MAP3K13: variants seen among roughly 807,000 people sequenced by gnomAD.
The protein encoded by MAP3K13 is leucine zipper-bearing kinase.
MAP3K13 carries 52 observed loss-of-function variants against 104.0 expected under a neutral mutation model. The ratio of observed to expected loss-of-function variants is 0.50; its 90% confidence interval spans 0.40 to 0.63. The LOEUF (loss-of-function observed/expected upper bound fraction) is 0.63, where lower values mean the gene tolerates loss of function less well. Among genes scored for constraint, MAP3K13 ranks in the 20% least tolerant of loss-of-function variants. The probability of loss-of-function intolerance (pLI) is 0.00; values close to 1 mark genes in which losing one functional copy is unlikely to be tolerated. For missense variants in MAP3K13, 914 were observed against 1,218.5 expected (o/e 0.75, Z 3.72); for synonymous variants, 394 against 442.2 (o/e 0.89, Z 1.37).
At chr3:185,371,763 G>C (rs1465979167) in intron 1 of MAP3K13, among the ~76,000 whole-genome samples, 1 of 152,144 alleles carries the variant, frequency 6.6e-6, no homozygotes, top group East Asian at 1.9e-4. Flanking sequence ...AGAAGGGAGT[G>C]GATCTGGGAC....
At chr3:185,383,619 C>A (rs1421258224) in intron 1 of MAP3K13, among the ~76,000 whole-genome samples, 2 of 151,634 alleles carry the variant, frequency 1.3e-5, no homozygotes, top group Admixed American at 6.6e-5. Flanking sequence ...CCTTTCTTGC[C>A]ATGTAATTTC....
chr3:185,332,839 C>T (rs1722334066), intron 2 of MAP3K13, among the ~76,000 whole-genome samples: 1 of 152,186 alleles, frequency 6.6e-6, no homozygotes, highest in Non-Finnish European at 1.5e-5. Flanking sequence ...GCGAATAAGG[C>T]CTCTGTGAAC....
intron 2 of MAP3K13, among the ~76,000 whole-genome samples, chr3:185,436,773 C>CG: frequency 6.6e-6 from 1 of 151,812 alleles, no homozygotes; most frequent in South Asian, 2.1e-4. Context: ...GAGGCCAAGG[C>CG]GGGTGGATCA....
At chr3:185,396,411 C>T (rs1431653518) in intron 1 of MAP3K13, among the ~76,000 whole-genome samples, 4 of 151,986 alleles carry the variant, frequency 2.6e-5, no homozygotes, top group Admixed American at 2.6e-4. Context: ...TACATCCTTC[C>T]AGACCTCTTG....
chr3:185,296,185 G>A (rs1470192275), intron 2 of MAP3K13, among the ~76,000 whole-genome samples: 2 of 152,118 alleles, frequency 1.3e-5, no homozygotes, highest in South Asian at 2.1e-4. Flanking sequence ...TCCAGGCTGC[G>A]GTGAGCCATG....
intron 2 of MAP3K13, among the ~76,000 whole-genome samples, chr3:185,301,564 T>C (rs958518407): frequency 1.1e-4 from 16 of 152,218 alleles, no homozygotes; most frequent in Admixed American, 1.0e-3. Context: ...TCCCCTGTGT[T>C]ATCTTCCAGG....
intron 1 of MAP3K13, among the ~76,000 whole-genome samples, chr3:185,373,412 C>T (rs894826884): frequency 2.6e-5 from 4 of 152,106 alleles, no homozygotes; most frequent in African/African-American, 9.7e-5. Context: ...GAGGCTGAGG[C>T]GGGTGGTTCA....
chr3:185,358,160 A>G (rs74876901), upstream of MAP3K13, among the ~76,000 whole-genome samples: 1,191 of 152,354 alleles, frequency 7.8e-3, 15 homozygotes, highest in African/African-American at 0.028. Context: ...GTATGCATGT[A>G]AATATATACT....
chr3:185,394,161 T>C (rs946217363), intron 1 of MAP3K13, among the ~76,000 whole-genome samples: 4 of 152,144 alleles, frequency 2.6e-5, no homozygotes, highest in Admixed American at 6.5e-5. Context: ...ACTTACATCT[T>C]TGGAAGTAAC....
At chr3:185,291,592 G>T (rs1323252542) in intron 2 of MAP3K13, 1 of 1,498,020 alleles carries the variant, frequency 6.7e-7, no homozygotes, top group Admixed American at 2.6e-5. Flanking sequence ...GAATTTTTTT[G>T]TGTTTTGTTT....
At chr3:185,302,560 C>T (rs1177388360) in intron 2 of MAP3K13, among the ~76,000 whole-genome samples, 1 of 152,068 alleles carries the variant, frequency 6.6e-6, no homozygotes, top group East Asian at 1.9e-4. Flanking sequence ...TCCTTCTTTA[C>T]ATTTATTCCT....
Position 185,451,867 on chromosome 3 carries a change from CAAAAAAAAAA to C in MAP3K13, c.1278+478_1278+487del, listed in dbSNP as rs1265471490. Among the ~76,000 whole-genome samples, 3 of 54,848 alleles carry C rather than the reference CAAAAAAAAAA, an allele frequency of 5.5e-5. No individual in the cohort carries two copies. In the South Asian group the frequency reaches 1.7e-3, roughly 32 times the overall value. 36.0% of individuals were successfully genotyped at this position (54,848 alleles called of 152,430 possible). The stretch of plus-strand genomic sequence containing the variant: ...GGGCAACAAGAGCAAAACACCGCCT[CAAAAAAAAAA>C]AAAAAGAAAAAAGAAAGAAAGAAAA... On this transcript the variant is annotated intron_variant, in intron 7 of 13. Coordinates refer to ENST00000265026, the MANE Select transcript of MAP3K13 (RefSeq NM_004721.5).
chr3:185,362,933 ACACACACACACACACACACACACG>A (rs1190257692), upstream of MAP3K13: 5 of 94,166 alleles, frequency 5.3e-5, no homozygotes, highest in South Asian at 3.5e-4. Flanking sequence ...AGCTTGAAAC[ACACACACACACACACACACACACG>A]CACACACACA....
chr3:185,358,914 C>T (rs1371422859), upstream of MAP3K13, among the ~76,000 whole-genome samples: 1 of 152,226 alleles, frequency 6.6e-6, no homozygotes, highest in South Asian at 2.1e-4. Flanking sequence ...TGAAGGTTCC[C>T]CTGATCTGTT....
At chr3:185,361,097 TA>T (rs1208577076), upstream of MAP3K13, among the ~76,000 whole-genome samples, 2 of 54,322 alleles carry the variant, frequency 3.7e-5, no homozygotes, top group Non-Finnish European at 1.2e-4. Context: ...TATATATATA[TA>T]TGTGTGTGTG....
At chr3:185,417,673 G>A in intron 1 of MAP3K13, 5 of 1,612,500 alleles carry the variant, frequency 3.1e-6, no homozygotes, top group East Asian at 2.2e-5. Context: ...TGCAACCGCC[G>A]CCTTTTCATC....
At chr3:185,312,996 C>A (rs1721545513) in intron 2 of MAP3K13, among the ~76,000 whole-genome samples, 1 of 151,972 alleles carries the variant, frequency 6.6e-6, no homozygotes, top group South Asian at 2.1e-4. Context: ...TCAAGACCAG[C>A]CTACTCAACA....
chr3:185,455,724 T>TGA (rs1409422709), intron 7 of MAP3K13, among the ~76,000 whole-genome samples: 9 of 37,204 alleles, frequency 2.4e-4, no homozygotes, highest in African/African-American at 4.6e-4. Flanking sequence ...GAGATATATA[T>TGA]GATATATATA....
In MAP3K13 at chr3:185,442,793, A is replaced by C. The variant is rs147173287; in HGVS notation, c.660-652A>C. Among the ~76,000 whole-genome samples, 429 of 152,098 alleles carry C rather than the reference A, an allele frequency of 2.8e-3. 6 individuals are homozygous for C. Among genetic ancestry groups the C allele is most frequent in the African/African-American group, 9.6e-3 (397 of 41,466 alleles). On this transcript the variant is annotated intron_variant, in intron 3 of 13. Transcript: ENST00000265026. ...GGTGATCCACCTGCCTCAGACTCCC[A>C]AAGTGTTGGGATTACAAGCGTGAGC...
Sources: allele counts gnomAD v4.1 joint callset (sites outside exome capture counted in the v4.1 genomes callset), GRCh38; gene constraint gnomAD v4.1.1; transcripts MANE v1.5; gene names NCBI Gene and HGNC (gene_info 2026-07-23, HGNC 2026-07-21).